Variants in MPPED2 observed in about 807,000 individuals in gnomAD.
MPPED2 encodes the protein metallophosphoesterase domain containing 2, also known as metallophosphoesterase MPPED2.
A neutral mutation model predicts 33.0 loss-of-function variants in MPPED2; 5 were observed. The observed-to-expected ratio is 0.15, with a 90% CI of 0.08 to 0.32. The LOEUF is 0.32. Ranked by LOEUF, MPPED2 falls within the 10% of genes least tolerant of loss-of-function variation. MPPED2 has a pLI of 1.00. For missense variants in MPPED2, 275 were observed against 372.1 expected (o/e 0.74, Z 2.15); for synonymous variants, 136 against 141.9 (o/e 0.96, Z 0.29).
intron 3 of MPPED2, chr11:30,504,946 G>A (rs1952751620): frequency 6.1e-6 from 3 of 490,562 alleles, no homozygotes; most frequent in Non-Finnish European, 1.1e-5. Flanking sequence ...CTGCAGGAAT[G>A]AGCACCAGTG....
At position 30,411,270 on chromosome 11, in the gene MPPED2, A is replaced by G. The variant is rs1359080600; in HGVS notation, c.*198T>C. The stretch of plus-strand genomic sequence containing the variant: ...ACAGAAGTCATTTTACAAATTCACA[A>G]TGTTCCTCTGATTTCAAATGGATGC... On this transcript the variant is annotated 3_prime_UTR_variant, in exon 7 of 7. Coordinates refer to ENST00000358117, the MANE Select transcript of MPPED2 (RefSeq NM_001584.3). 8.2e-7 allele frequency: 1 copy of G among 1,224,102 alleles called. No homozygotes were observed. Among genetic ancestry groups the G allele is most frequent in the African/African-American group, 1.5e-5 (1 of 65,582 alleles). 75.8% of individuals were successfully genotyped at this position (1,224,102 alleles called of 1,614,324 possible).
At chr11:30,508,378 T>G (rs889272722) in intron 3 of MPPED2, among the ~76,000 whole-genome samples, 1 of 152,164 alleles carries the variant, frequency 6.6e-6, no homozygotes, top group African/African-American at 2.4e-5. Context: ...CATGTAAATT[T>G]CTCTCCCTCC....
intron 1 of MPPED2, among the ~76,000 whole-genome samples, chr11:30,584,436 C>G (rs2134967942): frequency 6.6e-6 from 1 of 152,118 alleles, no homozygotes; most frequent in African/African-American, 2.4e-5. Flanking sequence ...CTACAACTTC[C>G]CCTTCCTTCC....
chr11:30,441,486 C>T (rs1463755016), intron 4 of MPPED2: 1 of 152,186 alleles, frequency 6.6e-6, no homozygotes, highest in Non-Finnish European at 1.5e-5. Context: ...TTCCATGAAA[C>T]CAATCACTTA....
At chr11:30,534,989 A>G (rs1367257579) in intron 3 of MPPED2, among the ~76,000 whole-genome samples, 1 of 152,224 alleles carries the variant, frequency 6.6e-6, no homozygotes, top group Non-Finnish European at 1.5e-5. Context: ...AAAAGCAGAT[A>G]TGTACTCAGA....
chr11:30,414,123 C>T (rs943348131), intron 6 of MPPED2, 105 bp downstream of exon 6: 38 of 726,328 alleles, frequency 5.2e-5, no homozygotes, highest in Non-Finnish European at 8.6e-5. Flanking sequence ...AAAAGGGTCC[C>T]GCTGCTAAAA....
chr11:30,519,740 C>T (rs187350523), intron 3 of MPPED2, among the ~76,000 whole-genome samples: 30 of 152,018 alleles, frequency 2.0e-4, no homozygotes, highest in African/African-American at 6.7e-4. Context: ...TCTGGTATTC[C>T]TACTAGTAAC....
chr11:30,547,054 T>C (rs1044407507), intron 2 of MPPED2, among the ~76,000 whole-genome samples: 1 of 152,224 alleles, frequency 6.6e-6, no homozygotes, highest in African/African-American at 2.4e-5. Context: ...TATCATACTT[T>C]CCTCATGATT....
chr11:30,457,070 A>G (rs1166356363), intron 4 of MPPED2, among the ~76,000 whole-genome samples: 1 of 152,198 alleles, frequency 6.6e-6, no homozygotes, highest in Admixed American at 6.5e-5. Flanking sequence ...TTTCTTTGAT[A>G]AATTTTCTTC....
chr11:30,434,893 TC>T (rs1949257392), intron 4 of MPPED2, among the ~76,000 whole-genome samples: 1 of 152,040 alleles, frequency 6.6e-6, no homozygotes, highest in East Asian at 1.9e-4. Flanking sequence ...TGAGGAAAGG[TC>T]CACAGTGTTT....
At chr11:30,449,054 C>T (rs1949937623) in intron 4 of MPPED2, among the ~76,000 whole-genome samples, 1 of 152,114 alleles carries the variant, frequency 6.6e-6, no homozygotes, top group Admixed American at 6.5e-5. Context: ...GTTTACTTGC[C>T]TGTTTTTTAG....
At chr11:30,479,524 C>T (rs369431749) in intron 4 of MPPED2, among the ~76,000 whole-genome samples, 1 of 152,122 alleles carries the variant, frequency 6.6e-6, no homozygotes, top group South Asian at 2.1e-4. Flanking sequence ...ATAAATCATG[C>T]CTGTTGTTTC....
intron 3 of MPPED2, among the ~76,000 whole-genome samples, chr11:30,515,866 C>T (rs1953505362): frequency 6.6e-6 from 1 of 152,142 alleles, no homozygotes; most frequent in Non-Finnish European, 1.5e-5. Context: ...ACAATCATTT[C>T]AGGAACTTAG....
chr11:30,477,091 T>C (rs1034720883), intron 4 of MPPED2, among the ~76,000 whole-genome samples: 2 of 152,150 alleles, frequency 1.3e-5, no homozygotes, highest in African/African-American at 2.4e-5. Context: ...CTCATTCTTA[T>C]TCACTTATTA....
At chr11:30,423,054 G>A (rs550264444) in intron 4 of MPPED2, among the ~76,000 whole-genome samples, 16 of 152,302 alleles carry the variant, frequency 1.1e-4, no homozygotes, top group Admixed American at 4.6e-4. Context: ...TTTTCTTTAT[G>A]GAAGCAAGTT....
At chr11:30,552,627 C>T (rs752980857) in intron 2 of MPPED2, among the ~76,000 whole-genome samples, 1 of 151,940 alleles carries the variant, frequency 6.6e-6, no homozygotes, top group African/African-American at 2.4e-5. Flanking sequence ...TCTCTCTCTC[C>T]GTTTAGACCA....
chr11:30,403,007 A>G lies in MPPED2; in HGVS notation c.766+11221T>C, dbSNP rs866234082. Among the ~76,000 whole-genome samples the G allele has an allele frequency of 2.0e-5, 3 of 152,340 alleles. No individual in the cohort carries two copies. In the South Asian group the frequency reaches 6.2e-4, roughly 32 times the overall value. ...ATGCCTGTATTCCCAGCACTTCGGGAGGCCGAGGCAGGCAGATCACAAGGT... is the reference window on the plus strand; with the variant it reads ...ATGCCTGTATTCCCAGCACTTCGGGGGGCCGAGGCAGGCAGATCACAAGGT... On this transcript the variant is annotated intron_variant, in intron 6 of 6. Transcript: ENST00000448418.
intron 4 of MPPED2, among the ~76,000 whole-genome samples, chr11:30,453,504 A>G (rs1950150740): frequency 6.6e-6 from 1 of 152,162 alleles, no homozygotes; most frequent in Non-Finnish European, 1.5e-5. Context: ...TGTTTTTGTA[A>G]ATAGTGTACT....
chr11:30,475,624 G>A (rs1951156682), intron 4 of MPPED2, among the ~76,000 whole-genome samples: 1 of 152,084 alleles, frequency 6.6e-6, no homozygotes, highest in Non-Finnish European at 1.5e-5. Context: ...CCATGTTTTA[G>A]TATAGTTCAT....
Sources: gnomAD v4.1 joint callset for allele counts (sites outside exome capture counted in the v4.1 genomes callset) on GRCh38, gnomAD v4.1.1 for gene constraint, MANE v1.5 for transcripts, NCBI Gene and HGNC (gene_info 2026-07-23, HGNC 2026-07-21) for gene names.